Variants in FAM168B observed in about 807,000 individuals in gnomAD.
FAM168B encodes myelin-associated neurite-outgrowth inhibitor.
Under a neutral mutation model 21.8 loss-of-function variants are expected in FAM168B, and 19 were observed. That is an observed-to-expected ratio of 0.87 (90% CI 0.61 to 1.28). FAM168B has a LOEUF of 1.28. Ranked by LOEUF, FAM168B falls within the 50% of genes most tolerant of loss-of-function variation. FAM168B has a pLI of 0.00. For synonymous variants in FAM168B, 126 were observed against 104.8 expected (o/e 1.20, Z -1.24); for missense variants, 233 against 263.1 (o/e 0.89, Z 0.79).
Position 131,051,517 on chromosome 2 carries a change from A to C in FAM168B, c.*948T>G, listed in dbSNP as rs1389482169. The C allele has an allele frequency of 1.0e-6, 1 of 985,120 alleles. No homozygotes were observed. The highest frequency in any genetic ancestry group is 1.7e-5 in the African/African-American group (1 of 57,210). The allele number at this position is 985,120 out of a possible 1,614,324, so 61.0% of individuals were successfully genotyped here. ...AAAAAAAGGAATGATTTTCTAAGCT[A>C]AATAAAGCAGAGGACAATACCTCCT... On this transcript the variant is annotated 3_prime_UTR_variant, in exon 7 of 7. Coordinates refer to ENST00000389915, the MANE Select transcript of FAM168B (RefSeq NM_001009993.4).
chr2:131,055,739 C>T (rs779088829), intron 3 of FAM168B, 44 bp from the exon 4 acceptor site: 2 of 1,599,738 alleles, frequency 1.3e-6, no homozygotes, highest in African/African-American at 2.7e-5. Flanking sequence ...CAAGCCGGTC[C>T]AGGCGCAGGG....
At position 131,049,491 on chromosome 2, in the gene FAM168B, G is replaced by A. The variant is rs1691516452; in HGVS notation, c.*2974C>T. ...CAGGCCCATTACCATGACTGGCCCTGACTCTGGCCCTCACAGAGCGGCAAG... is the reference window on the plus strand; with the variant it reads ...CAGGCCCATTACCATGACTGGCCCTAACTCTGGCCCTCACAGAGCGGCAAG... On this transcript the variant is annotated 3_prime_UTR_variant, in exon 7 of 7. Transcript: ENST00000389915. 1.0e-6 allele frequency: 1 copy of A among 985,428 alleles called. No individual in the cohort carries two copies. The highest frequency in any genetic ancestry group is 1.2e-6 in the Non-Finnish European group (1 of 829,928). The allele number at this position is 985,428 out of a possible 1,614,324, so 61.0% of individuals were successfully genotyped here.
intron 2 of FAM168B, 118 bp from the exon 3 acceptor site, chr2:131,072,056 C>T: frequency 2.5e-6 from 2 of 815,244 alleles, no homozygotes; most frequent in Admixed American, 4.2e-5. Flanking sequence ...TTAAGCAGCC[C>T]CAAGAGCACT....
intron 3 of FAM168B, among the ~76,000 whole-genome samples, chr2:131,068,194 T>G (rs955466089): frequency 6.6e-6 from 1 of 152,206 alleles, no homozygotes; most frequent in African/African-American, 2.4e-5. Flanking sequence ...AGTCTCGCTC[T>G]GTCACACAGG....
chr2:131,092,486 G>C (rs1694082830), intron 1 of FAM168B, among the ~76,000 whole-genome samples: 1 of 152,196 alleles, frequency 6.6e-6, no homozygotes, highest in Non-Finnish European at 1.5e-5. Flanking sequence ...AGGATGACCT[G>C]AAAGTTTAAG....
intron 3 of FAM168B, among the ~76,000 whole-genome samples, chr2:131,071,127 A>C (rs546684605): frequency 2.3e-4 from 35 of 152,198 alleles, no homozygotes; most frequent in Non-Finnish European, 4.3e-4. Context: ...AAACAGGAAG[A>C]ATCTGGGGAA....
chr2:131,081,357 G>A (rs1693426136), intron 2 of FAM168B, among the ~76,000 whole-genome samples: 1 of 152,178 alleles, frequency 6.6e-6, no homozygotes, highest in African/African-American at 2.4e-5. Flanking sequence ...GGAAGCCCAC[G>A]CAACCTGGGT....
Position 131,081,999 on chromosome 2 carries a change from C to G in FAM168B, c.70+578G>C, listed in dbSNP as rs573186586. The stretch of plus-strand genomic sequence containing the variant: ...CCTTGTGCAAAGTCACCGAAGGGAA[C>G]AACCATTTGCTATTTTTGACCAACC... On this transcript the variant is annotated intron_variant, in intron 2 of 6. Coordinates refer to ENST00000389915, the MANE Select transcript of FAM168B (RefSeq NM_001009993.4). 2.0e-5 allele frequency among the ~76,000 whole-genome samples: 3 copies of G among 152,310 alleles called. No homozygotes were observed. The South Asian group carries it at 6.2e-4, about 32-fold the overall frequency.
At chr2:131,069,267 T>C (rs1424877936) in intron 3 of FAM168B, among the ~76,000 whole-genome samples, 1 of 152,250 alleles carries the variant, frequency 6.6e-6, no homozygotes, top group Non-Finnish European at 1.5e-5. Context: ...GGGCTACCTC[T>C]GAAAATCCTA....
At chr2:131,091,318 G>A (rs150228271) in intron 1 of FAM168B, among the ~76,000 whole-genome samples, 2,951 of 151,604 alleles carry the variant, frequency 0.019, 41 homozygotes, top group Non-Finnish European at 0.032. Flanking sequence ...CAGCCTGGGC[G>A]ACAGAACAAA....
intron 2 of FAM168B, among the ~76,000 whole-genome samples, chr2:131,082,159 T>C (rs992329384): frequency 6.6e-6 from 1 of 152,162 alleles, no homozygotes; most frequent in Non-Finnish European, 1.5e-5. Flanking sequence ...CAGGGATGGA[T>C]GCTGAGTTTA....
intron 1 of FAM168B, among the ~76,000 whole-genome samples, chr2:131,084,158 T>C (rs1320809750): frequency 1.3e-5 from 2 of 151,174 alleles, no homozygotes; most frequent in Admixed American, 6.6e-5. Flanking sequence ...CCTCAGCCTC[T>C]CAAAGTGCTG....
intron 3 of FAM168B, among the ~76,000 whole-genome samples, chr2:131,061,865 C>G (rs1012230829): frequency 6.6e-6 from 1 of 151,788 alleles, no homozygotes; most frequent in Admixed American, 6.6e-5. Context: ...GATTCTATAG[C>G]AGTCTGAAAG....
intron 3 of FAM168B, among the ~76,000 whole-genome samples, chr2:131,064,133 G>A (rs1230323763): frequency 2.0e-5 from 3 of 152,132 alleles, no homozygotes; most frequent in East Asian, 3.8e-4. Context: ...CCAGACCTGT[G>A]AGTGACCCTG....
At chr2:131,066,523 C>A (rs1692567572) in intron 3 of FAM168B, among the ~76,000 whole-genome samples, 1 of 152,186 alleles carries the variant, frequency 6.6e-6, no homozygotes, top group Non-Finnish European at 1.5e-5. Flanking sequence ...AATATCTAAA[C>A]AACCTTGTGT....
intron 2 of FAM168B, among the ~76,000 whole-genome samples, chr2:131,073,888 A>T (rs1326224285): frequency 6.6e-6 from 1 of 152,250 alleles, no homozygotes; most frequent in African/African-American, 2.4e-5. Flanking sequence ...GCTGACCTTT[A>T]TTAATACAAA....
intron 3 of FAM168B, among the ~76,000 whole-genome samples, chr2:131,065,714 A>G (rs967759344): frequency 6.6e-6 from 1 of 150,614 alleles, no homozygotes; most frequent in African/African-American, 2.4e-5. Context: ...GCTTGAACCC[A>G]GGTGGCAAGG....
chr2:131,089,010 A>C (rs1693865825), intron 1 of FAM168B, among the ~76,000 whole-genome samples: 1 of 145,894 alleles, frequency 6.9e-6, no homozygotes, highest in Non-Finnish European at 1.5e-5. Flanking sequence ...TTTGTTGCCC[A>C]GGCTGGAGTG....
intron 5 of FAM168B, 84 bp from the exon 6 acceptor site, chr2:131,053,099 T>C: frequency 6.9e-7 from 1 of 1,446,482 alleles, no homozygotes; most frequent in South Asian, 1.4e-5. Context: ...CCTGGCCTCT[T>C]TGCAAGGAGG....
Sources: allele counts gnomAD v4.1 joint callset (sites outside exome capture counted in the v4.1 genomes callset), GRCh38; gene constraint gnomAD v4.1.1; transcripts MANE v1.5; gene names NCBI Gene and HGNC (gene_info 2026-07-23, HGNC 2026-07-21).